Variants in MMP26 observed in about 807,000 individuals in gnomAD.
MMP26 encodes matrix metallopeptidase 26, also known as matrix metalloproteinase-26.
Under a neutral mutation model 31.0 loss-of-function variants are expected in MMP26, and 33 were observed. That is an observed-to-expected ratio of 1.06 (90% CI 0.81 to 1.42). The LOEUF is 1.42. Among genes scored for constraint, MMP26 ranks in the 40% most tolerant of loss-of-function variants. MMP26 has a pLI of 0.00. For missense variants in MMP26, 347 were observed against 316.1 expected (o/e 1.10, Z -0.74); for synonymous variants, 122 against 114.9 (o/e 1.06, Z -0.40).
intron 2 of MMP26, chr11:4,822,271 C>T (rs778845440): frequency 1.9e-6 from 3 of 1,563,960 alleles, no homozygotes; most frequent in Admixed American, 3.6e-5. Flanking sequence ...TGTCTTTCTG[C>T]TAATCCCTCC....
intron 2 of MMP26, among the ~76,000 whole-genome samples, chr11:4,967,212 G>T (rs897268088): frequency 2.0e-5 from 3 of 152,070 alleles, no homozygotes; most frequent in African/African-American, 7.2e-5. Flanking sequence ...AAGTAAAAGT[G>T]GTACTCAATA....
chr11:4,785,962 A>G (rs1021713430), intron 2 of MMP26, among the ~76,000 whole-genome samples: 6 of 152,200 alleles, frequency 3.9e-5, no homozygotes, highest in Admixed American at 3.9e-4. Context: ...TACTCAGATG[A>G]CAATCTGTTG....
Position 4,733,178 on chromosome 11 carries a change from A to G in MMP26, c.-217+28133A>G, listed in dbSNP as rs115477653. Reference sequence around the variant, plus strand: ...TATGTATTTTAGGACCAGCTTGACAATTTATGCAAAGAAGCAAGATTGAAT... The same window carrying G: ...TATGTATTTTAGGACCAGCTTGACAGTTTATGCAAAGAAGCAAGATTGAAT... On this transcript the variant is annotated intron_variant, in intron 1 of 7. Coordinates refer to ENST00000380390, the MANE Select transcript of MMP26 (RefSeq NM_021801.5). Among the ~76,000 whole-genome samples the G allele has an allele frequency of 5.3e-3, 807 of 152,338 alleles. 5 individuals are homozygous for G. The highest frequency in any genetic ancestry group is 0.019 in the African/African-American group (770 of 41,576).
intron 2 of MMP26, among the ~76,000 whole-genome samples, chr11:4,979,148 A>C (rs564216100): frequency 3.2e-4 from 48 of 152,268 alleles, no homozygotes; most frequent in African/African-American, 1.1e-3. Flanking sequence ...TAGGAGCAAA[A>C]TAATGGGCAG....
chr11:4,911,116 G>T (rs1850984882), intron 2 of MMP26, among the ~76,000 whole-genome samples: 1 of 152,156 alleles, frequency 6.6e-6, no homozygotes, highest in South Asian at 2.1e-4. Context: ...GGGTATTACT[G>T]ACTGCATTTT....
At chr11:4,828,907 T>G (rs1849611875) in intron 2 of MMP26, among the ~76,000 whole-genome samples, 1 of 152,120 alleles carries the variant, frequency 6.6e-6, no homozygotes, top group Non-Finnish European at 1.5e-5. Flanking sequence ...TTGTCTGTCA[T>G]CCTCAGCAAG....
intron 2 of MMP26, among the ~76,000 whole-genome samples, chr11:4,834,013 A>G (rs970603160): frequency 2.0e-5 from 3 of 152,276 alleles, no homozygotes; most frequent in African/African-American, 4.8e-5. Flanking sequence ...ATCTATTAAT[A>G]TATCAGTTTG....
chr11:4,770,930 G>C (rs10836612), intron 2 of MMP26, among the ~76,000 whole-genome samples: 14,109 of 152,134 alleles, frequency 0.093, 719 homozygotes, highest in Middle Eastern at 0.14. Context: ...AGCCTAGTAA[G>C]GATTAAAAAA....
At chr11:4,864,719 A>G (rs1850211149) in intron 2 of MMP26, among the ~76,000 whole-genome samples, 1 of 151,896 alleles carries the variant, frequency 6.6e-6, no homozygotes, top group South Asian at 2.1e-4. Flanking sequence ...GCTTGATGCA[A>G]CCCCCCTGAG....
intron 1 of MMP26, chr11:4,723,922 A>AT: frequency 3.2e-6 from 3 of 945,692 alleles, no homozygotes. Context: ...CATGGCCTGG[A>AT]TGTTGGGATC....
intron 1 of MMP26, among the ~76,000 whole-genome samples, chr11:4,745,296 G>C (rs988614288): frequency 3.9e-5 from 6 of 152,202 alleles, no homozygotes; most frequent in African/African-American, 1.2e-4. Context: ...ATATACGGTT[G>C]CATTTGTAGC....
intron 1 of MMP26, among the ~76,000 whole-genome samples, chr11:4,714,918 TCTCACACACACACA>T (rs1411340113): frequency 7.7e-6 from 1 of 130,274 alleles, no homozygotes; most frequent in East Asian, 2.0e-4. Flanking sequence ...TCTCTCTCTC[TCTCACACACACACA>T]CACACACACA....
chr11:4,822,109 A>G, intron 2 of MMP26: 1 of 1,613,816 alleles, frequency 6.2e-7, no homozygotes, highest in Non-Finnish European at 8.5e-7. Context: ...TGTCCTCAGC[A>G]TTGCTTCCTC....
Position 4,989,718 on chromosome 11 carries a change from T to C in MMP26, c.170T>C (p.Leu57Pro). 1.9e-6 allele frequency: 3 copies of C among 1,613,872 alleles called. No homozygotes were observed. Among genetic ancestry groups the C allele is most frequent in the Non-Finnish European group, 2.5e-6 (3 of 1,180,012 alleles). The change falls in exon 4 of 8, where the codon CTC becomes CCC. Residue 57 changes from leucine to proline, a missense_variant. Coordinates refer to ENST00000380390, the MANE Select transcript of MMP26 (RefSeq NM_021801.5). ...PLLTQETQTQ[L>P]LQQFHRNGTD... ...CTTACCCAGGAGACACAAACACAGCTCCTGCAACAATTCCATCGGAATGGG... is the reference window on the plus strand; with the variant it reads ...CTTACCCAGGAGACACAAACACAGCCCCTGCAACAATTCCATCGGAATGGG...
chr11:4,821,046 A>G (rs55664571), intron 2 of MMP26, among the ~76,000 whole-genome samples: 1 of 152,126 alleles, frequency 6.6e-6, no homozygotes, highest in Non-Finnish European at 1.5e-5. Context: ...CAGAATCAAA[A>G]TTTATTTTCA....
At chr11:4,812,707 T>C (rs915905316) in intron 2 of MMP26, among the ~76,000 whole-genome samples, 3 of 152,114 alleles carry the variant, frequency 2.0e-5, no homozygotes, top group Non-Finnish European at 4.4e-5. Context: ...GTCAAATAAG[T>C]ATTTGTTTCA....
At chr11:4,889,375 A>G (rs1328012567) in intron 2 of MMP26, among the ~76,000 whole-genome samples, 1 of 152,182 alleles carries the variant, frequency 6.6e-6, no homozygotes, top group Non-Finnish European at 1.5e-5. Context: ...TGTTCAGGGA[A>G]TAATAACAAA....
chr11:4,710,976 G>A (rs534994588), intron 1 of MMP26: 1 of 152,796 alleles, frequency 6.5e-6, no homozygotes, highest in South Asian at 2.1e-4. Flanking sequence ...TAAGCAAGAA[G>A]TATTAATAAA....
intron 2 of MMP26, among the ~76,000 whole-genome samples, chr11:4,797,655 G>T (rs1849125652): frequency 6.6e-6 from 1 of 152,114 alleles, no homozygotes; most frequent in South Asian, 2.1e-4. Flanking sequence ...AAAGCATGAG[G>T]TTTCAAATGG....
Sources: gnomAD v4.1 joint callset for allele counts (sites outside exome capture counted in the v4.1 genomes callset) on GRCh38, gnomAD v4.1.1 for gene constraint, MANE v1.5 for transcripts, NCBI Gene and HGNC (gene_info 2026-07-23, HGNC 2026-07-21) for gene names.